The following ACOT12 variants were observed in gnomAD, a reference collection of about 807,000 sequenced individuals.
ACOT12 encodes acyl-CoA thioesterase 12, also known as acetyl-coenzyme A thioesterase.
Under a neutral mutation model 67.7 loss-of-function variants are expected in ACOT12, and 51 were observed. The ratio of observed to expected loss-of-function variants is 0.75; its 90% CI spans 0.60 to 0.95. The LOEUF (loss-of-function observed/expected upper bound fraction) is 0.95. Among genes scored for constraint, ACOT12 ranks in the 40% least tolerant of loss-of-function variants. The probability of loss-of-function intolerance (pLI) is 0.00; values close to 1 mark genes in which losing one functional copy is unlikely to be tolerated. For synonymous variants in ACOT12, 251 were observed against 244.6 expected, an observed-to-expected ratio of 1.03 and a Z score of -0.24; for missense variants, 734 against 708.1, an observed-to-expected ratio of 1.04 and a Z score of -0.41.
intron 11 of ACOT12, among the ~76,000 whole-genome samples, chr5:81,341,436 C>T (rs897571196): frequency 6.6e-6 from 1 of 152,220 alleles, no homozygotes; most frequent in African/African-American, 2.4e-5. Context: ...TATAATTTAT[C>T]ATCCAAACTG....
chr5:81,387,010 TTTTTTTTTC>T, intron 1 of ACOT12, among the ~76,000 whole-genome samples: 2 of 103,764 alleles, frequency 1.9e-5, no homozygotes, highest in African/African-American at 5.8e-5. Context: ...TTTTTTTTTT[TTTTTTTTTC>T]TTTTTTCAGA....
chr5:81,312,532 A>G, the ACOT12 span: 1 of 1,598,498 alleles, frequency 6.3e-7, no homozygotes, highest in Non-Finnish European at 8.5e-7. Flanking sequence ...TGATTTTTCT[A>G]TTCCTTTACA....
At chr5:81,381,354 C>A (rs985236130) in intron 2 of ACOT12, among the ~76,000 whole-genome samples, 3 of 152,112 alleles carry the variant, frequency 2.0e-5, no homozygotes, top group Non-Finnish European at 4.4e-5. Flanking sequence ...CAGGCGTGAG[C>A]CCCTGCACCC....
chr5:81,378,743 C>T (rs1297635120), intron 2 of ACOT12, among the ~76,000 whole-genome samples: 1 of 152,210 alleles, frequency 6.6e-6, no homozygotes, highest in Non-Finnish European at 1.5e-5. Context: ...AGCTCATCAT[C>T]ACTGGTTATT....
chr5:81,329,720 G>C (rs1389533979), downstream of ACOT12, among the ~76,000 whole-genome samples: 2 of 152,316 alleles, frequency 1.3e-5, no homozygotes, highest in Admixed American at 1.3e-4. Context: ...GGTTATGAAA[G>C]AGATCACGGT....
chr5:81,362,678 A>C (rs1329424195), intron 4 of ACOT12, among the ~76,000 whole-genome samples: 1 of 152,154 alleles, frequency 6.6e-6, no homozygotes, highest in Non-Finnish European at 1.5e-5. Context: ...ATGCCAGGAA[A>C]AACAGAATGG....
intron 13 of ACOT12, among the ~76,000 whole-genome samples, chr5:81,331,339 G>A (rs1464517184): frequency 6.6e-6 from 1 of 152,106 alleles, no homozygotes; most frequent in East Asian, 1.9e-4. Context: ...GGAGTTCGAG[G>A]CTATCCTGAC....
In ACOT12 at chr5:81,364,974, G is replaced by A. The variant is rs553524144; in HGVS notation, c.259-1085C>T. On this transcript the variant is annotated intron_variant, in intron 3 of 14. Transcript: ENST00000307624. ...AATTGCATCATGTATTTACAGCTTT[G>A]TTTCTGTGATTAATTTTTCAGGAGT... Among the ~76,000 whole-genome samples the A allele has an allele frequency of 1.1e-4, 16 of 151,978 alleles. No individual in the cohort carries two copies. The South Asian group carries it at 3.3e-3, about 32-fold the overall frequency.
chr5:81,336,524 T>C (rs946984962), intron 11 of ACOT12, among the ~76,000 whole-genome samples: 3 of 152,212 alleles, frequency 2.0e-5, no homozygotes, highest in Non-Finnish European at 4.4e-5. Context: ...ATGCACATTA[T>C]TCCTTAGGTA....
intron 2 of ACOT12, among the ~76,000 whole-genome samples, chr5:81,373,931 T>A (rs2153856612): frequency 6.6e-6 from 1 of 152,318 alleles, no homozygotes; most frequent in East Asian, 1.9e-4. Flanking sequence ...TAAATGTCCC[T>A]GCCTGATGGC....
At chr5:81,393,937 G>A in intron 1 of ACOT12, 51 bp downstream of exon 1, 1 of 1,276,646 alleles carries the variant, frequency 7.8e-7, no homozygotes, top group South Asian at 2.6e-5. Context: ...AGCCGCCGCC[G>A]CTCCCGCAGC....
chr5:81,323,423 G>A, the ACOT12 span, among the ~76,000 whole-genome samples: 1 of 152,116 alleles, frequency 6.6e-6, no homozygotes, highest in Non-Finnish European at 1.5e-5. Context: ...CCCTTTCCTG[G>A]GACCATCAGA....
At chr5:81,327,253 C>T (rs1279518145), downstream of ACOT12, among the ~76,000 whole-genome samples, 1 of 149,224 alleles carries the variant, frequency 6.7e-6, no homozygotes, top group Non-Finnish European at 1.5e-5. Context: ...TATATATATA[C>T]TAGTTTCTTT....
chr5:81,353,299 A>T (rs1464165115), intron 5 of ACOT12, among the ~76,000 whole-genome samples: 2 of 152,220 alleles, frequency 1.3e-5, no homozygotes, highest in African/African-American at 4.8e-5. Context: ...CAACGAAAAA[A>T]ATAGGGTTTT....
In ACOT12 at chr5:81,366,673, T is replaced by A. The variant is rs117421752; in HGVS notation, c.259-2784A>T. Among the ~76,000 whole-genome samples, 101 of 151,826 alleles carry A rather than the reference T, an allele frequency of 6.7e-4. No homozygotes were observed. In the East Asian group the frequency reaches 0.017, roughly 26 times the overall value. On this transcript the variant is annotated intron_variant, in intron 3 of 14. Transcript: ENST00000307624. ...CTGACTCCTAATATAGAGAAAAAGA[T>A]GAAAATAATGAGGAAAGAACGGAAA...
downstream of ACOT12, among the ~76,000 whole-genome samples, chr5:81,328,637 T>C (rs1019456848): frequency 1.3e-5 from 2 of 152,188 alleles, no homozygotes; most frequent in African/African-American, 4.8e-5. Context: ...GTCCTGAAAA[T>C]GAGCTCTTCA....
At position 81,335,750 on chromosome 5, in the gene ACOT12, T is replaced by A. The variant is rs1305103392; in HGVS notation, c.1262+18A>T. Reference sequence around the variant, plus strand: ...TATGTCAAGGTTGATTGAGAAAAATTTTTAAATTTGTTCTTACACAAAATG... The same window carrying A: ...TATGTCAAGGTTGATTGAGAAAAATATTTAAATTTGTTCTTACACAAAATG... On this transcript the variant is annotated intron_variant, in intron 12 of 14. Transcript: ENST00000307624. The A allele has an allele frequency of 6.2e-7, 1 of 1,601,274 alleles. No homozygotes were observed. Among genetic ancestry groups the A allele is most frequent in the African/African-American group, 1.4e-5 (1 of 73,866 alleles).
chr5:81,340,435 C>T lies in ACOT12; in HGVS notation c.1128+2237G>A, dbSNP rs139208776. Among the ~76,000 whole-genome samples, 815 of 152,278 alleles carry T rather than the reference C, an allele frequency of 5.4e-3. 11 individuals are homozygous for T. The highest frequency in any genetic ancestry group is 0.018 in the African/African-American group (746 of 41,554). On this transcript the variant is annotated intron_variant, in intron 11 of 14. Transcript: ENST00000307624. ...TGAGTGCAGTAACACGATCTCGGCCCACTGCAACCTCTGCCGCCCAGGTTC... is the reference window on the plus strand; with the variant it reads ...TGAGTGCAGTAACACGATCTCGGCCTACTGCAACCTCTGCCGCCCAGGTTC...
chr5:81,353,474 A>C (rs1486262147), intron 5 of ACOT12, among the ~76,000 whole-genome samples: 1 of 152,192 alleles, frequency 6.6e-6, no homozygotes, highest in African/African-American at 2.4e-5. Context: ...TTCACTCTAC[A>C]TTTGTAGATC....
Sources: gnomAD v4.1 joint callset for allele counts (sites outside exome capture counted in the v4.1 genomes callset) on GRCh38, gnomAD v4.1.1 for gene constraint, MANE v1.5 for transcripts, NCBI Gene and HGNC (gene_info 2026-07-23, HGNC 2026-07-21) for gene names.